Variants in CLN8 observed in about 807,000 individuals in gnomAD.
CLN8 encodes protein CLN8.
A neutral mutation model predicts 15.7 loss-of-function variants in CLN8; 14 were observed. The ratio of observed to expected loss-of-function variants is 0.89; its 90% CI spans 0.59 to 1.39. CLN8 has a LOEUF of 1.39. Ranked by LOEUF, CLN8 falls within the 40% of genes most tolerant of loss-of-function variation. The probability of loss-of-function intolerance (pLI) is 0.00; values close to 1 mark genes in which losing one functional copy is unlikely to be tolerated. For synonymous variants in CLN8, 188 were observed against 151.0 expected (o/e 1.25, Z -1.80); for missense variants, 415 against 364.0 (o/e 1.14, Z -1.14).
At chr8:1,763,216 G>C (rs970087948), upstream of CLN8, 8 of 151,880 alleles carry the variant, frequency 5.3e-5, no homozygotes, top group Non-Finnish European at 1.0e-4. Context: ...AGAACGGCGC[G>C]GTCAGGCTCT....
In CLN8 at chr8:1,764,883, G is replaced by A. The variant is rs528408369; in HGVS notation, c.-124+998G>A. Among the ~76,000 whole-genome samples the A allele has an allele frequency of 2.0e-3, 300 of 152,334 alleles. 3 individuals are homozygous for A. The highest frequency in any genetic ancestry group is 7.1e-3 in the African/African-American group (294 of 41,572). ...ACTCCTGTTTCAGTTTACCCTCTGT[G>A]TGAAATCTGTAACTATCCAGCTTCT... On this transcript the variant is annotated intron_variant, in intron 1 of 2. Coordinates refer to ENST00000331222, the MANE Select transcript of CLN8 (RefSeq NM_018941.4).
intron 2 of CLN8, among the ~76,000 whole-genome samples, chr8:1,776,172 A>G (rs1193557474): frequency 6.6e-6 from 1 of 152,132 alleles, no homozygotes; most frequent in Admixed American, 6.5e-5. Flanking sequence ...AAATGATGAC[A>G]AAAGATTTTG....
At chr8:1,757,143 C>T (rs765912821) in intron 1 of CLN8, among the ~76,000 whole-genome samples, 177 of 152,160 alleles carry the variant, frequency 1.2e-3, no homozygotes, top group Non-Finnish European at 1.0e-3. Context: ...AGTTTTTAAG[C>T]GGAGGTGTGT....
At chr8:1,768,328 A>G (rs1057435227) in intron 1 of CLN8, among the ~76,000 whole-genome samples, 3 of 152,108 alleles carry the variant, frequency 2.0e-5, no homozygotes, top group African/African-American at 4.8e-5. Flanking sequence ...TTTGGTTCTC[A>G]TGTCCTGGAG....
In CLN8 at chr8:1,780,608, C is replaced by G. The variant is rs1801688857; in HGVS notation, c.*41C>G. The G allele has an allele frequency of 1.3e-6, 2 of 1,595,212 alleles. No homozygotes were observed. Among genetic ancestry groups the G allele is most frequent in the Non-Finnish European group, 1.7e-6 (2 of 1,165,302 alleles). On this transcript the variant is annotated 3_prime_UTR_variant, in exon 3 of 3. Coordinates refer to ENST00000331222, the MANE Select transcript of CLN8 (RefSeq NM_018941.4). ...CTCCGGGGCGGCAGCAGAGCTGGCACACCGATTCTGGGAAGCCCCGCGAAT... is the reference window on the plus strand; with the variant it reads ...CTCCGGGGCGGCAGCAGAGCTGGCAGACCGATTCTGGGAAGCCCCGCGAAT...
chr8:1,767,277 G>A (rs1191937737), intron 1 of CLN8, among the ~76,000 whole-genome samples: 1 of 152,220 alleles, frequency 6.6e-6, no homozygotes, highest in Non-Finnish European at 1.5e-5. Flanking sequence ...ACTGGAAGGG[G>A]AAGTAAGCAT....
At chr8:1,779,442 G>A (rs1030713644) in intron 2 of CLN8, among the ~76,000 whole-genome samples, 7 of 152,100 alleles carry the variant, frequency 4.6e-5, no homozygotes, top group African/African-American at 1.4e-4. Context: ...ATGGGGCTTC[G>A]CCATGTTGGC....
At chr8:1,777,161 T>C (rs1049211220) in intron 2 of CLN8, among the ~76,000 whole-genome samples, 1 of 152,232 alleles carries the variant, frequency 6.6e-6, no homozygotes, top group African/African-American at 2.4e-5. Context: ...CTGTACAGCA[T>C]ATGGCTGTAC....
rs1163696189 is a variant in CLN8, at chr8:1,770,729, C to A, written c.-123-203C>A. 2.6e-5 allele frequency among the ~76,000 whole-genome samples: 4 copies of A among 152,176 alleles called. No homozygotes were observed. In the South Asian group the frequency reaches 6.2e-4, roughly 24 times the overall value. ...CACGGCTCCGGCCTCCTGTTCGTGG[C>A]TGGACCGCTCTAGCTTTAGTTTCAT... On this transcript the variant is annotated intron_variant, in intron 1 of 2. Transcript: ENST00000331222.
chr8:1,778,313 T>A (rs536955331), intron 2 of CLN8, among the ~76,000 whole-genome samples: 1 of 152,374 alleles, frequency 6.6e-6, no homozygotes, highest in East Asian at 1.9e-4. Context: ...CCTAACTCTA[T>A]AATTTCACAA....
chr8:1,765,560 C>T (rs1171786562), intron 1 of CLN8, among the ~76,000 whole-genome samples: 1 of 152,188 alleles, frequency 6.6e-6, no homozygotes, highest in Admixed American at 6.5e-5. Flanking sequence ...GTATAATTCT[C>T]ATGTAAATAG....
Position 1,780,373 on chromosome 8 carries a change from G to A in CLN8, c.667G>A (p.Val223Ile). 6.2e-7 allele frequency: 1 copy of A among 1,614,238 alleles called. No individual in the cohort carries two copies. The highest frequency in any genetic ancestry group is 8.5e-7 in the Non-Finnish European group (1 of 1,180,042). Reference protein sequence around the residue: ...WVCFWHWDGLVSSLYLPHLTL... With the variant: ...WVCFWHWDGLISSLYLPHLTL... ...GTGTTTCTGGCACTGGGACGGCCTGGTCAGCAGCCTGTATCTGCCTCATTT... is the reference window on the plus strand; with the variant it reads ...GTGTTTCTGGCACTGGGACGGCCTGATCAGCAGCCTGTATCTGCCTCATTT... The change falls in exon 3 of 3, where the codon GTC becomes ATC. Residue 223 changes from valine to isoleucine, a missense_variant. Physicochemically the swap from Val to Ile is conservative, Grantham distance 29. Transcript: ENST00000331222.
upstream of CLN8, among the ~76,000 whole-genome samples, chr8:1,761,766 G>T (rs549214155): frequency 1.3e-5 from 2 of 152,348 alleles, no homozygotes; most frequent in East Asian, 3.9e-4. Flanking sequence ...CGGGCCACAA[G>T]ATCAGATGAG....
intron 1 of CLN8, among the ~76,000 whole-genome samples, chr8:1,757,584 G>A (rs1800701486): frequency 1.3e-5 from 2 of 152,156 alleles, no homozygotes; most frequent in Non-Finnish European, 2.9e-5. Flanking sequence ...GGAATTACAG[G>A]CATGTGCCAC....
Position 1,771,545 on chromosome 8 carries a change from T to G in CLN8, c.491T>G (p.Leu164Trp). 6.2e-7 allele frequency: 1 copy of G among 1,614,172 alleles called. No homozygotes were observed. Among genetic ancestry groups the G allele is most frequent in the African/African-American group, 1.3e-5 (1 of 75,054 alleles). ...QAGHYLAMTT[L>W]LLEMSTPFTC... Reference sequence around the variant, plus strand: ...GGCCACTATCTAGCTATGACCACGTTGCTCCTGGAGATGAGCACGCCCTTT... The same window carrying G: ...GGCCACTATCTAGCTATGACCACGTGGCTCCTGGAGATGAGCACGCCCTTT... Residue 164 changes from leucine to tryptophan, a missense_variant, in exon 2 of 3, where the codon TTG (leucine) becomes TGG (tryptophan). Transcript: ENST00000331222.
upstream of CLN8, chr8:1,758,805 G>C (rs55911515): frequency 6.6e-6 from 1 of 152,126 alleles, no homozygotes; most frequent in Non-Finnish European, 1.5e-5. Flanking sequence ...TCTGGGTTAC[G>C]ATAAAGGTTG....
chr8:1,756,483 C>CAA (rs60297248), intron 1 of CLN8, among the ~76,000 whole-genome samples: 2,268 of 143,274 alleles, frequency 0.016, 51 homozygotes, highest in African/African-American at 0.044. Flanking sequence ...GAATCCATCT[C>CAA]AAAAAAAAAA....
In CLN8 at chr8:1,770,945, A is replaced by G. The variant is rs1801272357; in HGVS notation, c.-110A>G. On this transcript the variant is annotated 5_prime_UTR_variant, in exon 2 of 3. In the 5' UTR this introduces an upstream ATG that the reference lacks. Coordinates refer to ENST00000331222, the MANE Select transcript of CLN8 (RefSeq NM_018941.4). ...TCTTTCTTTTAGATTGAAGATGGAT[A>G]CGTGACAATCCCAGGGACCGCTGCA... 1 of 944,746 alleles carries G rather than the reference A, an allele frequency of 1.1e-6. No homozygotes were observed. The highest frequency in any genetic ancestry group is 1.6e-5 in the African/African-American group (1 of 62,338). The allele number at this position is 944,746 out of a possible 1,614,324, so 58.5% of individuals were successfully genotyped here.
intron 2 of CLN8, chr8:1,772,869 A>G (rs776352657): frequency 2.8e-5 from 11 of 398,356 alleles, no homozygotes; most frequent in Non-Finnish European, 4.4e-5. Context: ...AGATCCTGCA[A>G]ATGTTCAGCC....
Sources: gnomAD v4.1 joint callset for allele counts (sites outside exome capture counted in the v4.1 genomes callset) on GRCh38, gnomAD v4.1.1 for gene constraint, MANE v1.5 for transcripts, NCBI Gene and HGNC (gene_info 2026-07-23, HGNC 2026-07-21) for gene names.